USP14: variants seen among roughly 807,000 people sequenced by gnomAD.
The protein encoded by USP14 is ubiquitin carboxyl-terminal hydrolase 14.
In USP14, 38 loss-of-function variants were observed where a neutral mutation model predicts 76.5. The observed-to-expected ratio is 0.50, with a 90% confidence interval of 0.38 to 0.65. USP14 has a LOEUF of 0.65. Ranked by LOEUF, USP14 falls within the 30% of genes least tolerant of loss-of-function variation. The pLI, the probability that USP14 is intolerant of heterozygous loss-of-function variation, is 0.00. For synonymous variants in USP14, 192 were observed against 191.7 expected, an observed-to-expected ratio of 1.00 and a Z score of -0.01; for missense variants, 467 against 586.5, an observed-to-expected ratio of 0.80 and a Z score of 2.10.
At chr18:174,542 A>C (rs962296520) in intron 3 of USP14, among the ~76,000 whole-genome samples, 5 of 151,370 alleles carry the variant, frequency 3.3e-5, no homozygotes, top group African/African-American at 9.7e-5. Context: ...CTGGGATTAT[A>C]GGTGTAAGCC....
Position 158,585 on chromosome 18 carries a change from G to GCCA in USP14, c.-108_-106dup. The stretch of plus-strand genomic sequence containing the variant: ...TGAGACTCGTCGCACCGAAGCCGCC[G>GCCA]CCACCACCGCGCCTCCGCCTCGGCC... On this transcript the variant is annotated 5_prime_UTR_variant, in exon 1 of 16. Transcript: ENST00000261601. The GCCA allele has an allele frequency of 1.7e-6, 2 of 1,146,616 alleles. No individual in the cohort carries two copies. The highest frequency in any genetic ancestry group is 2.4e-6 in the Non-Finnish European group (2 of 826,704). The allele number at this position is 1,146,616 out of a possible 1,614,324, so 71.0% of individuals were successfully genotyped here. A position where few individuals can be genotyped will look rare whatever the true frequency, so the allele number is the denominator to read the frequency against.
intron 3 of USP14, among the ~76,000 whole-genome samples, chr18:173,419 C>T (rs995350703): frequency 7.2e-6 from 1 of 139,096 alleles, no homozygotes; most frequent in African/African-American, 2.7e-5. Context: ...CCTATATTGT[C>T]TGTTTTTTTG....
chr18:214,464 G>T lies in USP14; in HGVS notation c.*3180G>T. On this transcript the variant is annotated 3_prime_UTR_variant, in exon 16 of 16. Transcript: ENST00000261601. ...TCTCAACCCAACCTCCCCAAACTCT[G>T]GTTTGAGCCAATATGTGTTCTATTG... 1.6e-6 allele frequency: 1 copy of T among 612,450 alleles called. No individual in the cohort carries two copies. The highest frequency in any genetic ancestry group is 2.8e-6 in the Non-Finnish European group (1 of 359,520). 37.9% of individuals were successfully genotyped at this position (612,450 alleles called of 1,614,324 possible).
At chr18:186,524 G>A (rs192096409) in intron 5 of USP14, among the ~76,000 whole-genome samples, 5 of 152,126 alleles carry the variant, frequency 3.3e-5, no homozygotes, top group South Asian at 2.1e-4. Flanking sequence ...AGGCTGAGGC[G>A]GGCAGATCAC....
intron 1 of USP14, among the ~76,000 whole-genome samples, chr18:161,112 G>A (rs1909107473): frequency 6.6e-6 from 1 of 152,062 alleles, no homozygotes; most frequent in Non-Finnish European, 1.5e-5. Flanking sequence ...ATTTTTAGTA[G>A]AAACGAGGTT....
At chr18:201,647 A>G (rs1910387783) in intron 10 of USP14, among the ~76,000 whole-genome samples, 1 of 152,224 alleles carries the variant, frequency 6.6e-6, no homozygotes, top group Admixed American at 6.5e-5. Flanking sequence ...CATGGTGTGC[A>G]AGTTTCAGGA....
chr18:172,825 T>G (rs1909503234), intron 3 of USP14, among the ~76,000 whole-genome samples: 1 of 152,192 alleles, frequency 6.6e-6, no homozygotes. Flanking sequence ...TTGTATGCAC[T>G]GGGGGAAAAT....
intron 6 of USP14, among the ~76,000 whole-genome samples, chr18:196,197 T>A (rs1015498620): frequency 1.3e-5 from 2 of 151,630 alleles, no homozygotes; most frequent in Non-Finnish European, 2.9e-5. Context: ...GGTGGCATGC[T>A]CCTGTAATCC....
chr18:196,617 A>G lies in USP14; in HGVS notation c.464-20A>G, dbSNP rs768142911. 5.0e-6 allele frequency: 8 copies of G among 1,604,212 alleles called. No individual in the cohort carries two copies. Among genetic ancestry groups the G allele is most frequent in the African/African-American group, 2.7e-5 (2 of 74,454 alleles). On this transcript the variant is annotated intron_variant, in intron 6 of 15. Coordinates refer to ENST00000261601, the MANE Select transcript of USP14 (RefSeq NM_005151.4). ...AATATGTGACTGTTTTACTAAGGCAATGTTTGCTTTGTCTTTAAGCCCTTA... is the reference window on the plus strand; with the variant it reads ...AATATGTGACTGTTTTACTAAGGCAGTGTTTGCTTTGTCTTTAAGCCCTTA...
chr18:199,149 G>A (rs1322420507), intron 9 of USP14, 53 bp from the exon 10 acceptor site: 1 of 1,103,834 alleles, frequency 9.1e-7, no homozygotes, highest in Non-Finnish European at 1.4e-6. Flanking sequence ...ATATTCAAGA[G>A]TATATAACAA....
intron 10 of USP14, among the ~76,000 whole-genome samples, chr18:201,769 C>G (rs1328359596): frequency 6.6e-6 from 1 of 152,094 alleles, no homozygotes; most frequent in Non-Finnish European, 1.5e-5. Flanking sequence ...TATAGGAAAA[C>G]CGAACATACC....
At position 170,317 on chromosome 18, in the gene USP14, T is replaced by C. The variant is rs201983733; in HGVS notation, c.195+3498T>C. ...AGACTCTGTCTCAAAAATAAACAAA[T>C]AAATAAATAAATAAATAACCCTACA... is the stretch of plus-strand genomic sequence containing the variant. On this transcript the variant is annotated intron_variant, in intron 3 of 15. Transcript: ENST00000261601. Among the ~76,000 whole-genome samples, 131 of 150,682 alleles carry C rather than the reference T, an allele frequency of 8.7e-4. 2 individuals carry two copies. The East Asian group carries it at 0.011, about 13-fold the overall frequency.
intron 13 of USP14, among the ~76,000 whole-genome samples, chr18:209,395 T>C (rs1296158841): frequency 6.6e-6 from 1 of 152,232 alleles, no homozygotes; most frequent in East Asian, 1.9e-4. Flanking sequence ...AGATAAGTTA[T>C]TTTTCTCATG....
At chr18:205,348 CA>C (rs1246481175) in intron 13 of USP14, among the ~76,000 whole-genome samples, 10 of 152,182 alleles carry the variant, frequency 6.6e-5, no homozygotes, top group African/African-American at 2.2e-4. Flanking sequence ...GACCTTGATG[CA>C]GTCAAAATAC....
In USP14 at chr18:163,669, C is replaced by T. The variant is rs573590519; in HGVS notation, c.162+216C>T. Among the ~76,000 whole-genome samples, 4 of 152,116 alleles carry T rather than the reference C, an allele frequency of 2.6e-5. No individual in the cohort carries two copies. The South Asian group carries it at 6.2e-4, about 24-fold the overall frequency. On this transcript the variant is annotated intron_variant, in intron 2 of 15. Transcript: ENST00000261601. ...ACACTATATGGTATTATAAAAACAT[C>T]GTTTTAAAACTCTTTTTACTTTTGT...
intron 5 of USP14, among the ~76,000 whole-genome samples, chr18:187,856 A>C (rs1200943370): frequency 6.6e-6 from 1 of 152,218 alleles, no homozygotes; most frequent in Non-Finnish European, 1.5e-5. Context: ...ATTTACCCTG[A>C]AAACACATTT....
At chr18:174,394 T>C (rs1195026286) in intron 3 of USP14, among the ~76,000 whole-genome samples, 2 of 151,270 alleles carry the variant, frequency 1.3e-5, no homozygotes, top group Non-Finnish European at 1.5e-5. Flanking sequence ...GCCTCCTGAG[T>C]AACTGGGATT....
In USP14 at chr18:172,125, C is replaced by T. The variant is rs951585781; in HGVS notation, c.195+5306C>T. 2.6e-5 allele frequency among the ~76,000 whole-genome samples: 4 copies of T among 152,118 alleles called. No homozygotes were observed. In the East Asian group the frequency reaches 7.7e-4, roughly 29 times the overall value. On this transcript the variant is annotated intron_variant, in intron 3 of 15. Coordinates refer to ENST00000261601, the MANE Select transcript of USP14 (RefSeq NM_005151.4). ...TGGTGGTGTATACCTGTAGTCCTAG[C>T]TACTCTGGAGACTGAGGCAGTAGGA...
At chr18:209,940 G>A (rs755468328) in intron 13 of USP14, 31 bp from the exon 14 acceptor site, 2 of 1,523,330 alleles carry the variant, frequency 1.3e-6, no homozygotes, top group South Asian at 2.4e-5. Flanking sequence ...CCAAAATCAT[G>A]ATTTAAAATT....
Sources: allele counts gnomAD v4.1 joint callset (sites outside exome capture counted in the v4.1 genomes callset), GRCh38; gene constraint gnomAD v4.1.1; transcripts MANE v1.5; gene names NCBI Gene and HGNC (gene_info 2026-07-23, HGNC 2026-07-21).